The following LINGO2 variants were observed in gnomAD, a reference collection of about 807,000 sequenced individuals.
LINGO2 encodes the protein leucine rich repeat and Ig domain containing 2.
Under a neutral mutation model 30.6 loss-of-function variants are expected in LINGO2, and 14 were observed. That is an observed-to-expected ratio of 0.46 (90% CI 0.30 to 0.72). LINGO2 has a LOEUF of 0.72. Among genes scored for constraint, LINGO2 ranks in the 30% least tolerant of loss-of-function variants. The pLI is 0.07. For missense variants in LINGO2, 729 were observed against 751.7 expected (o/e 0.97, Z 0.35); for synonymous variants, 317 against 288.5 (o/e 1.10, Z -1.00).
At chr9:28,512,537 C>A (rs952143715) in intron 1 of LINGO2, among the ~76,000 whole-genome samples, 1 of 142,464 alleles carries the variant, frequency 7.0e-6, no homozygotes, top group South Asian at 2.3e-4. Context: ...ACTTCTGGAA[C>A]CAAAATCTGT....
chr9:27,995,089 A>G (rs927614440), intron 5 of LINGO2, among the ~76,000 whole-genome samples: 37 of 152,196 alleles, frequency 2.4e-4, no homozygotes, highest in African/African-American at 4.8e-4. Context: ...AAATACAAAG[A>G]ATCATTAGAG....
At chr9:27,974,405 G>T (rs1255709640) in intron 5 of LINGO2, among the ~76,000 whole-genome samples, 6 of 152,088 alleles carry the variant, frequency 3.9e-5, no homozygotes, top group African/African-American at 1.4e-4. Flanking sequence ...GTGCTACACA[G>T]TGTTGGTGTA....
chr9:28,311,292 G>A (rs1043600818), intron 3 of LINGO2, among the ~76,000 whole-genome samples: 14 of 152,112 alleles, frequency 9.2e-5, no homozygotes, highest in African/African-American at 3.1e-4. Flanking sequence ...CACAGGACCG[G>A]GGCAAAATTA....
At chr9:28,848,100 G>C in the LINGO2 span, among the ~76,000 whole-genome samples, 1 of 43,160 alleles carries the variant, frequency 2.3e-5, no homozygotes, top group African/African-American at 8.7e-5. Context: ...TATACGCATA[G>C]TGTATATATA....
chr9:28,266,802 A>G (rs1474744913), intron 4 of LINGO2, among the ~76,000 whole-genome samples: 1 of 152,016 alleles, frequency 6.6e-6, no homozygotes, highest in Non-Finnish European at 1.5e-5. Context: ...CTCCCATTTC[A>G]GCCACTCCTG....
intron 1 of LINGO2, among the ~76,000 whole-genome samples, chr9:28,583,171 T>G (rs1190434061): frequency 6.6e-6 from 1 of 151,864 alleles, no homozygotes; most frequent in Non-Finnish European, 1.5e-5. Flanking sequence ...CAAAGAAAAG[T>G]GATTAATATT....
chr9:28,139,207 A>G (rs1312035442), intron 4 of LINGO2, among the ~76,000 whole-genome samples: 2 of 152,194 alleles, frequency 1.3e-5, no homozygotes, highest in Non-Finnish European at 2.9e-5. Context: ...CTCAGTTATT[A>G]CTAAAAAAGT....
the LINGO2 span, among the ~76,000 whole-genome samples, chr9:29,107,575 C>A: frequency 6.6e-6 from 1 of 151,958 alleles, no homozygotes; most frequent in Non-Finnish European, 1.5e-5. Context: ...TGAAACAATT[C>A]AAGCTTTTAA....
At chr9:28,332,938 A>C (rs1364667361) in intron 3 of LINGO2, among the ~76,000 whole-genome samples, 1 of 152,174 alleles carries the variant, frequency 6.6e-6, no homozygotes, top group Non-Finnish European at 1.5e-5. Context: ...ATCAGAAAGA[A>C]GGGGATCGGG....
the LINGO2 span, among the ~76,000 whole-genome samples, chr9:29,110,482 G>A: frequency 4.6e-5 from 7 of 151,550 alleles, no homozygotes; most frequent in Non-Finnish European, 1.0e-4. Flanking sequence ...ACAGGCGCCC[G>A]CCGCCACGCC....
chr9:28,199,017 T>C (rs1820118708), intron 4 of LINGO2, among the ~76,000 whole-genome samples: 1 of 151,546 alleles, frequency 6.6e-6, no homozygotes, highest in Non-Finnish European at 1.5e-5. Flanking sequence ...ATTACGAAGA[T>C]TTCCTAGATA....
chr9:28,712,521 T>G, the LINGO2 span, among the ~76,000 whole-genome samples: 6 of 151,136 alleles, frequency 4.0e-5, no homozygotes, highest in Non-Finnish European at 1.5e-5. Context: ...AGCTCTACCA[T>G]TTTACAGAAA....
At chr9:28,580,021 T>C (rs930842465) in intron 1 of LINGO2, among the ~76,000 whole-genome samples, 3 of 152,090 alleles carry the variant, frequency 2.0e-5, no homozygotes, top group Non-Finnish European at 4.4e-5. Flanking sequence ...CAACTTTTAT[T>C]AGATGGATGT....
At chr9:28,472,565 C>T (rs1311884167) in intron 2 of LINGO2, among the ~76,000 whole-genome samples, 4 of 152,122 alleles carry the variant, frequency 2.6e-5, no homozygotes, top group Middle Eastern at 3.4e-3. Flanking sequence ...TACAAAAAAT[C>T]GTAGACCACA....
chr9:28,581,818 A>C (rs1049703419), intron 1 of LINGO2, among the ~76,000 whole-genome samples: 2 of 151,938 alleles, frequency 1.3e-5, no homozygotes, highest in African/African-American at 2.4e-5. Context: ...ACTTCTGAAA[A>C]TTAATTTTCA....
the LINGO2 span, among the ~76,000 whole-genome samples, chr9:28,928,027 T>C: frequency 6.6e-6 from 1 of 152,322 alleles, no homozygotes; most frequent in South Asian, 2.1e-4. Context: ...AGTCATTGTC[T>C]TATTTAGTCT....
intron 4 of LINGO2, among the ~76,000 whole-genome samples, chr9:28,014,716 A>C (rs1276587068): frequency 6.6e-6 from 1 of 152,142 alleles, no homozygotes; most frequent in Non-Finnish European, 1.5e-5. Flanking sequence ...TGAGTTGTTG[A>C]GCCACAAATT....
At position 28,107,836 on chromosome 9, in the gene LINGO2, T is replaced by G. The variant is rs1285396644; in HGVS notation, c.-86-95431A>C. On this transcript the variant is annotated intron_variant, in intron 4 of 5. Coordinates refer to ENST00000379992, the Ensembl canonical transcript of LINGO2. ...AAAACACCTCATATGCTTGGCTACT[T>G]TTGAAAATAGGTAAGTCATCAAAGT... is the stretch of plus-strand genomic sequence containing the variant. Among the ~76,000 whole-genome samples, 10 of 152,214 alleles carry G rather than the reference T, an allele frequency of 6.6e-5. No homozygotes were observed. In the East Asian group the frequency reaches 1.9e-3, roughly 29 times the overall value.
chr9:28,289,907 T>C (rs1432153288), intron 4 of LINGO2, among the ~76,000 whole-genome samples: 3 of 152,166 alleles, frequency 2.0e-5, no homozygotes, highest in Non-Finnish European at 2.9e-5. Flanking sequence ...CAGAAAATTG[T>C]CTTCTCCTTT....
Sources: gnomAD v4.1 joint callset for allele counts (sites outside exome capture counted in the v4.1 genomes callset) on GRCh38, gnomAD v4.1.1 for gene constraint, MANE v1.5 for transcripts, NCBI Gene and HGNC (gene_info 2026-07-23, HGNC 2026-07-21) for gene names.